The following LRP1B variants were observed in gnomAD, a reference collection of about 807,000 sequenced individuals.
LRP1B encodes the protein LDL receptor related protein 1B.
A neutral mutation model predicts 556.6 loss-of-function variants in LRP1B; 217 were observed. That is an observed-to-expected ratio of 0.39 (90% CI 0.35 to 0.44). The LOEUF is 0.44. Ranked by LOEUF, LRP1B falls within the 20% of genes least tolerant of loss-of-function variation. The pLI, the probability that LRP1B is intolerant of heterozygous loss-of-function variation, is 1.00. For missense variants in LRP1B, 5,053 were observed against 5,620.8 expected, an observed-to-expected ratio of 0.90 and a Z score of 3.23; for synonymous variants, 2,047 against 1,865.8, an observed-to-expected ratio of 1.10 and a Z score of -2.50.
At chr2:140,648,086 A>G (rs1027928539) in intron 41 of LRP1B, among the ~76,000 whole-genome samples, 1 of 152,214 alleles carries the variant, frequency 6.6e-6, no homozygotes, top group Non-Finnish European at 1.5e-5. Context: ...TGGCACATAT[A>G]TACCATGGAA....
chr2:141,383,985 G>T (rs1316434517), intron 3 of LRP1B, among the ~76,000 whole-genome samples: 1 of 152,122 alleles, frequency 6.6e-6, no homozygotes, highest in Non-Finnish European at 1.5e-5. Context: ...TATGCTGAGG[G>T]ATGATCTTAA....
intron 3 of LRP1B, among the ~76,000 whole-genome samples, chr2:141,315,091 G>C (rs2105457828): frequency 6.6e-6 from 1 of 150,456 alleles, no homozygotes; most frequent in South Asian, 2.1e-4. Flanking sequence ...CTCACAAAGA[G>C]CTTTGAACTT....
chr2:140,674,732 C>T (rs1685610789), intron 41 of LRP1B, among the ~76,000 whole-genome samples: 1 of 152,170 alleles, frequency 6.6e-6, no homozygotes. Context: ...GTGCCTCTGA[C>T]CATGGTCACT....
At chr2:140,853,331 G>GCATA in intron 27 of LRP1B, among the ~76,000 whole-genome samples, 1 of 152,086 alleles carries the variant, frequency 6.6e-6, no homozygotes, top group Admixed American at 6.5e-5. Flanking sequence ...ATACCTCCTA[G>GCATA]CATAAAACTA....
At chr2:142,126,710 G>A (rs1314949940) in intron 1 of LRP1B, among the ~76,000 whole-genome samples, 2 of 151,760 alleles carry the variant, frequency 1.3e-5, no homozygotes, top group Admixed American at 1.3e-4. Flanking sequence ...AAATGCTGAA[G>A]GAAAGGGAGG....
intron 59 of LRP1B, among the ~76,000 whole-genome samples, chr2:140,481,610 T>TATTATTATCATC: frequency 6.8e-6 from 1 of 147,698 alleles, no homozygotes; most frequent in Non-Finnish European, 1.5e-5. Context: ...TTATTATTAT[T>TATTATTATCATC]ATTATTATTA....
In LRP1B at chr2:140,501,714, G is replaced by A. The variant is rs35296183; in HGVS notation, c.8823C>T (p.Asp2941=). 0.2 allele frequency: 328,540 copies of A among 1,609,460 alleles called. 36,392 individuals are homozygous for A. The highest frequency in any genetic ancestry group is 0.23 in the Non-Finnish European group (269,237 of 1,176,816). The change falls in exon 55 of 91, where the codon GAC becomes GAT. Residue 2941 remains aspartate (D), a synonymous_variant. Coordinates refer to ENST00000389484, the MANE Select transcript of LRP1B (RefSeq NM_018557.3). Reference sequence around the variant, plus strand: ...TATAACTGACCGGAAGGTCTTGACAGTCTTGAGAACATCCACTGACTTTCT... The same window carrying A: ...TATAACTGACCGGAAGGTCTTGACAATCTTGAGAACATCCACTGACTTTCT... The part of the protein sequence containing the change: ...LSKKVSGCSQ[D]CQDLPVSYKC...
intron 25 of LRP1B, among the ~76,000 whole-genome samples, chr2:140,874,694 T>C (rs1693249026): frequency 6.6e-6 from 1 of 152,020 alleles, no homozygotes; most frequent in Non-Finnish European, 1.5e-5. Context: ...ACTTGTGATA[T>C]TAAATTACAG....
At chr2:140,786,296 G>T (rs573047666) in intron 32 of LRP1B, among the ~76,000 whole-genome samples, 42 of 152,136 alleles carry the variant, frequency 2.8e-4, no homozygotes, top group Non-Finnish European at 5.7e-4. Flanking sequence ...ATAACTAAAG[G>T]CAGCATATTT....
intron 60 of LRP1B, among the ~76,000 whole-genome samples, chr2:140,458,717 AAC>A (rs1687200837): frequency 6.6e-6 from 1 of 152,122 alleles, no homozygotes; most frequent in East Asian, 1.9e-4. Context: ...GTAACTGAAA[AAC>A]TATCAAAATT....
At chr2:141,421,912 T>C (rs375529107) in intron 3 of LRP1B, among the ~76,000 whole-genome samples, 2 of 152,336 alleles carry the variant, frequency 1.3e-5, no homozygotes, top group East Asian at 3.9e-4. Flanking sequence ...GTAATGTCTT[T>C]CATCTTTGAG....
intron 41 of LRP1B, among the ~76,000 whole-genome samples, chr2:140,665,487 T>C (rs1306715503): frequency 6.6e-6 from 1 of 152,240 alleles, no homozygotes; most frequent in Non-Finnish European, 1.5e-5. Flanking sequence ...ATTCTTCTGA[T>C]AAATAATTAA....
At chr2:141,719,558 T>A (rs1692741204) in intron 2 of LRP1B, among the ~76,000 whole-genome samples, 1 of 152,018 alleles carries the variant, frequency 6.6e-6, no homozygotes, top group South Asian at 2.1e-4. Context: ...TCTCTAATGG[T>A]GTAGGAGACT....
chr2:142,008,050 T>C (rs1702851271), intron 1 of LRP1B, among the ~76,000 whole-genome samples: 1 of 152,218 alleles, frequency 6.6e-6, no homozygotes, highest in African/African-American at 2.4e-5. Context: ...CATGGTGCTC[T>C]CCTATTCCTG....
intron 32 of LRP1B, among the ~76,000 whole-genome samples, chr2:140,806,852 T>C (rs1180494358): frequency 6.6e-6 from 1 of 152,220 alleles, no homozygotes; most frequent in African/African-American, 2.4e-5. Context: ...CAACAAGAAA[T>C]AAGACTATTG....
In LRP1B at chr2:140,716,055, T is replaced by G. The variant is rs1455331795; in HGVS notation, c.5941A>C (p.Arg1981=). Residue 1981 remains arginine (R), a synonymous_variant, in exon 37 of 91, where the codon AGA becomes CGA. Coordinates refer to ENST00000389484, the MANE Select transcript of LRP1B (RefSeq NM_018557.3). ...ACATAACGGAAAGAACCATTGAGTC[T>G]TGCAACTTCAATTAAGTTGAAACCA... The part of the protein sequence containing the change: ...DHGFNLIEVA[R]LNGSFRYVII... The G allele has an allele frequency of 1.9e-6, 3 of 1,608,720 alleles. No homozygotes were observed. The highest frequency in any genetic ancestry group is 2.6e-6 in the Non-Finnish European group (3 of 1,175,800).
intron 63 of LRP1B, among the ~76,000 whole-genome samples, chr2:140,445,366 C>A (rs185763843): frequency 2.2e-4 from 34 of 152,106 alleles, no homozygotes; most frequent in Non-Finnish European, 8.8e-5. Context: ...ATCTGCCCCC[C>A]TCGGGCACCA....
At position 141,454,824 on chromosome 2, in the gene LRP1B, C is replaced by T. The variant is rs187929010; in HGVS notation, c.343+25572G>A. ...GAATAGTGCTACTCTGAGAAATATACGAAGCTAGATCAATTTCACTTGATA... is the reference window on the plus strand; with the variant it reads ...GAATAGTGCTACTCTGAGAAATATATGAAGCTAGATCAATTTCACTTGATA... On this transcript the variant is annotated intron_variant, in intron 3 of 90. Coordinates refer to ENST00000389484, the MANE Select transcript of LRP1B (RefSeq NM_018557.3). 1.4e-3 allele frequency among the ~76,000 whole-genome samples: 215 copies of T among 152,228 alleles called. 3 individuals carry two copies. The highest frequency in any genetic ancestry group is 4.7e-3 in the African/African-American group (195 of 41,538).
At chr2:140,459,970 T>C (rs1227768281) in intron 60 of LRP1B, among the ~76,000 whole-genome samples, 1 of 152,330 alleles carries the variant, frequency 6.6e-6, no homozygotes, top group Middle Eastern at 3.4e-3. Context: ...CCATGTCTCC[T>C]GTACAGCCTA....
Sources: allele counts gnomAD v4.1 joint callset (sites outside exome capture counted in the v4.1 genomes callset), GRCh38; gene constraint gnomAD v4.1.1; transcripts MANE v1.5; gene names NCBI Gene and HGNC (gene_info 2026-07-23, HGNC 2026-07-21).